KCNT2: variants seen among roughly 807,000 people sequenced by gnomAD.
KCNT2 encodes the protein potassium sodium-activated channel subfamily T member 2.
Under a neutral mutation model 153.8 loss-of-function variants are expected in KCNT2, and 67 were observed. The observed-to-expected ratio is 0.44, with a 90% CI of 0.36 to 0.53. The LOEUF (loss-of-function observed/expected upper bound fraction) is 0.53. Among genes scored for constraint, KCNT2 ranks in the 20% least tolerant of loss-of-function variants. The pLI is 0.00. For missense variants in KCNT2, 975 were observed against 1,354.8 expected, an observed-to-expected ratio of 0.72 and a Z score of 4.40; for synonymous variants, 500 against 458.8, an observed-to-expected ratio of 1.09 and a Z score of -1.15.
chr1:196,273,382 CAATATTT>C (rs1344275542), intron 25 of KCNT2: 1 of 819,144 alleles, frequency 1.2e-6, no homozygotes, highest in Non-Finnish European at 1.9e-6. Context: ...GTATTAAATT[CAATATTT>C]AATATTATTT....
At chr1:196,595,833 A>G (rs952595575) in intron 1 of KCNT2, among the ~76,000 whole-genome samples, 2 of 151,418 alleles carry the variant, frequency 1.3e-5, no homozygotes, top group Non-Finnish European at 2.9e-5. Flanking sequence ...TTTAACCCTC[A>G]CCCTTCCTCC....
At chr1:196,573,977 T>C (rs1311147798) in intron 1 of KCNT2, among the ~76,000 whole-genome samples, 1 of 151,624 alleles carries the variant, frequency 6.6e-6, no homozygotes, top group Non-Finnish European at 1.5e-5. Flanking sequence ...ATGAGAGAGA[T>C]TTCAAGGATA....
intron 19 of KCNT2, among the ~76,000 whole-genome samples, chr1:196,326,392 G>C (rs1435175572): frequency 6.6e-6 from 1 of 151,916 alleles, no homozygotes; most frequent in African/African-American, 2.4e-5. Context: ...GCAGAGATTT[G>C]TCAGGCTAGT....
intron 14 of KCNT2, among the ~76,000 whole-genome samples, chr1:196,350,952 A>G (rs1335861850): frequency 2.0e-5 from 3 of 152,168 alleles, no homozygotes; most frequent in Non-Finnish European, 4.4e-5. Flanking sequence ...ACCATTTATT[A>G]AACAGGGAAT....
intron 1 of KCNT2, among the ~76,000 whole-genome samples, chr1:196,493,085 G>C (rs759075218): frequency 8.8e-4 from 133 of 151,956 alleles, no homozygotes; most frequent in Non-Finnish European, 1.7e-3. Flanking sequence ...CCTTTGATAA[G>C]GCACAATTAA....
intron 14 of KCNT2, among the ~76,000 whole-genome samples, chr1:196,348,677 C>T (rs1170155084): frequency 6.6e-6 from 1 of 151,970 alleles, no homozygotes; most frequent in Non-Finnish European, 1.5e-5. Flanking sequence ...GGAGATGAAA[C>T]ATTATATTTT....
chr1:196,273,844 A>G (rs1231745407), intron 25 of KCNT2, among the ~76,000 whole-genome samples: 1 of 151,682 alleles, frequency 6.6e-6, no homozygotes. Flanking sequence ...AGGGTAACAC[A>G]TTCCACAAAT....
intron 12 of KCNT2, among the ~76,000 whole-genome samples, chr1:196,415,659 A>T (rs1381079985): frequency 6.6e-6 from 1 of 152,044 alleles, no homozygotes; most frequent in East Asian, 1.9e-4. Flanking sequence ...AGGGCTGTAG[A>T]CACTTCCATG....
chr1:196,323,696 T>C (rs1663558404), intron 19 of KCNT2, among the ~76,000 whole-genome samples: 2 of 152,074 alleles, frequency 1.3e-5, no homozygotes. Context: ...ACATCTGCTA[T>C]TATTTATTTC....
chr1:196,533,577 T>A (rs1388541014), intron 1 of KCNT2, among the ~76,000 whole-genome samples: 1 of 152,096 alleles, frequency 6.6e-6, no homozygotes, highest in Non-Finnish European at 1.5e-5. Context: ...TTCTGTCATG[T>A]TAGATTTGAG....
intron 14 of KCNT2, among the ~76,000 whole-genome samples, chr1:196,364,356 C>T (rs1667871045): frequency 6.6e-6 from 1 of 152,048 alleles, no homozygotes; most frequent in South Asian, 2.1e-4. Context: ...TTTTATTTTT[C>T]AGGAAAGGTA....
chr1:196,238,056 T>C (rs113180296), intron 26 of KCNT2, among the ~76,000 whole-genome samples: 1,637 of 151,928 alleles, frequency 0.011, 32 homozygotes, highest in African/African-American at 0.035. Context: ...GACTAGAAAA[T>C]CTACATCTTA....
At chr1:196,583,191 T>C (rs567968644) in intron 1 of KCNT2, among the ~76,000 whole-genome samples, 1 of 152,236 alleles carries the variant, frequency 6.6e-6, no homozygotes, top group Non-Finnish European at 1.5e-5. Context: ...ATAATTAAAA[T>C]GGACTCATGA....
intron 18 of KCNT2, among the ~76,000 whole-genome samples, chr1:196,329,919 C>T (rs1368936006): frequency 3.8e-5 from 4 of 104,734 alleles, no homozygotes; most frequent in African/African-American, 1.6e-4. Context: ...TCATCTGGGC[C>T]CATTGAAATG....
chr1:196,531,178 T>C (rs1654892016), intron 1 of KCNT2, among the ~76,000 whole-genome samples: 1 of 152,092 alleles, frequency 6.6e-6, no homozygotes, highest in Non-Finnish European at 1.5e-5. Context: ...CATCTACAGC[T>C]TTGGAGACAT....
chr1:196,540,590 G>A (rs1241837047), intron 1 of KCNT2, among the ~76,000 whole-genome samples: 1 of 152,128 alleles, frequency 6.6e-6, no homozygotes, highest in East Asian at 1.9e-4. Context: ...ATAAACATGA[G>A]CACAGTACTG....
intron 8 of KCNT2, among the ~76,000 whole-genome samples, chr1:196,433,739 T>G (rs984730402): frequency 1.3e-5 from 2 of 152,068 alleles, no homozygotes; most frequent in Non-Finnish European, 2.9e-5. Flanking sequence ...AAGTTCCTTT[T>G]CCGGCCTTTT....
chr1:196,603,746 C>CTTAA (rs10625747), intron 1 of KCNT2, among the ~76,000 whole-genome samples: 119,028 of 151,966 alleles, frequency 0.78, 49,920 homozygotes, highest in East Asian at 0.97. Flanking sequence ...CTAGAATGGT[C>CTTAA]TTAAATAAAT....
chr1:196,428,066 G>A, intron 10 of KCNT2, 39 bp downstream of exon 10: 1 of 1,499,636 alleles, frequency 6.7e-7, no homozygotes, highest in South Asian at 1.1e-5. Context: ...ATGTTAGTAG[G>A]TATGATCCAG....
Sources: allele counts gnomAD v4.1 joint callset (sites outside exome capture counted in the v4.1 genomes callset), GRCh38; gene constraint gnomAD v4.1.1; transcripts MANE v1.5; gene names NCBI Gene and HGNC (gene_info 2026-07-23, HGNC 2026-07-21).